The following OTUD7A variants were observed in gnomAD, a reference collection of about 807,000 sequenced individuals.
OTUD7A encodes the protein OTU domain-containing protein 7A.
OTUD7A carries 12 observed loss-of-function variants against 65.7 expected under a neutral mutation model. The ratio of observed to expected loss-of-function variants is 0.18; its 90% CI spans 0.12 to 0.30. OTUD7A has a LOEUF of 0.30. Among genes scored for constraint, OTUD7A ranks in the 10% least tolerant of loss-of-function variants. The pLI, the probability that OTUD7A is intolerant of heterozygous loss-of-function variation, is 1.00. For synonymous variants in OTUD7A, 641 were observed against 586.3 expected (o/e 1.09, Z -1.35); for missense variants, 1,148 against 1,304.8 (o/e 0.88, Z 1.85).
At chr15:31,539,961 ATTTCT>A (rs1427722418) in intron 5 of OTUD7A, among the ~76,000 whole-genome samples, 1 of 152,196 alleles carries the variant, frequency 6.6e-6, no homozygotes, top group Non-Finnish European at 1.5e-5. Flanking sequence ...GCCAAAGACA[ATTTCT>A]ATGTAAATTA....
At chr15:31,870,466 C>A (rs1251797350) in intron 1 of OTUD7A, 41 bp downstream of exon 1, 3 of 147,758 alleles carry the variant, frequency 2.0e-5, no homozygotes, top group East Asian at 2.0e-4. Context: ...CGGGCCCGGC[C>A]CCGCCGCCCG....
rs370228191 is a variant in OTUD7A at position 31,866,082 on chromosome 15, A to G, written c.-100+4425T>C. ...AGACTTATCTACTTAACTAAGAGAG[A>G]TGTATTTAAAACTTGTATTAGCATT... is the stretch of plus-strand genomic sequence containing the variant. On this transcript the variant is annotated intron_variant, in intron 1 of 12. Transcript: ENST00000307050. 1.3e-4 allele frequency among the ~76,000 whole-genome samples: 20 copies of G among 152,372 alleles called. No individual in the cohort carries two copies. In the East Asian group the frequency reaches 3.3e-3, roughly 25 times the overall value.
chr15:31,526,531 C>G, intron 7 of OTUD7A, 70 bp from the exon 8 acceptor site: 1 of 1,279,204 alleles, frequency 7.8e-7, no homozygotes, highest in Non-Finnish European at 1.1e-6. Flanking sequence ...CTCACCCTCC[C>G]AATCTGGACC....
intron 1 of OTUD7A, among the ~76,000 whole-genome samples, chr15:31,676,580 G>A (rs1018750007): frequency 6.6e-6 from 1 of 152,198 alleles, no homozygotes; most frequent in African/African-American, 2.4e-5. Context: ...GTGCTGGCCT[G>A]TGACCATGAG....
intron 1 of OTUD7A, among the ~76,000 whole-genome samples, chr15:31,814,447 C>T (rs1178302443): frequency 1.3e-5 from 2 of 152,182 alleles, no homozygotes; most frequent in Non-Finnish European, 2.9e-5. Context: ...TCATGTGACA[C>T]GTCCTAATTC....
chr15:31,771,458 T>C (rs570065925), intron 1 of OTUD7A, among the ~76,000 whole-genome samples: 46 of 152,328 alleles, frequency 3.0e-4, no homozygotes, highest in African/African-American at 1.1e-3. Context: ...GTCAAACGCT[T>C]GGAATTGTCC....
intron 1 of OTUD7A, among the ~76,000 whole-genome samples, chr15:31,791,589 C>T (rs1286546399): frequency 6.6e-6 from 1 of 152,196 alleles, no homozygotes; most frequent in African/African-American, 2.4e-5. Context: ...TAAGGTACAA[C>T]ACGTCCCGGA....
chr15:31,673,970 G>C (rs996901090), intron 1 of OTUD7A, among the ~76,000 whole-genome samples: 21 of 152,150 alleles, frequency 1.4e-4, no homozygotes, highest in African/African-American at 4.8e-4. Context: ...CTGAATAAAT[G>C]AACAAAAGGA....
At chr15:31,853,197 C>T (rs549620444) in intron 1 of OTUD7A, among the ~76,000 whole-genome samples, 92 of 152,302 alleles carry the variant, frequency 6.0e-4, no homozygotes, top group South Asian at 1.7e-3. Flanking sequence ...GCTCAGCATC[C>T]GTGCAAAACA....
At chr15:31,610,617 A>ATATATTTTTTTTTTTTTTTTT in intron 3 of OTUD7A, among the ~76,000 whole-genome samples, 1 of 30,562 alleles carries the variant, frequency 3.3e-5, no homozygotes, top group African/African-American at 1.7e-4. Flanking sequence ...ATATATATAT[A>ATATATTTTTTTTTTTTTTTTT]TTTTTTTTTT....
At chr15:31,827,012 C>T (rs1182093878) in intron 1 of OTUD7A, among the ~76,000 whole-genome samples, 2 of 152,228 alleles carry the variant, frequency 1.3e-5, no homozygotes, top group Admixed American at 6.5e-5. Flanking sequence ...TTCCAAACTT[C>T]CCCACATTTT....
At chr15:31,711,753 T>C (rs1339056877) in intron 1 of OTUD7A, among the ~76,000 whole-genome samples, 1 of 129,404 alleles carries the variant, frequency 7.7e-6, no homozygotes, top group Non-Finnish European at 1.6e-5. Context: ...TTGAGATTAT[T>C]GGAAATAAAG....
At chr15:31,507,013 AT>A (rs1211539249) in intron 8 of OTUD7A, among the ~76,000 whole-genome samples, 1 of 152,196 alleles carries the variant, frequency 6.6e-6, no homozygotes, top group Non-Finnish European at 1.5e-5. Flanking sequence ...TGAATGGAAT[AT>A]TTTAGCTAGG....
In OTUD7A at chr15:31,541,290, C is replaced by A. The variant is rs1887979987; in HGVS notation, c.551-10482G>T. ...AAAGACCTGGCCTTTAGGTGTTAAG[C>A]CTAATGAACCAAAGAAAGCAACTTT... On this transcript the variant is annotated intron_variant, in intron 5 of 12. Transcript: ENST00000307050. Among the ~76,000 whole-genome samples the A allele has an allele frequency of 1.3e-5, 2 of 152,132 alleles. 1 individual carries two copies. The highest frequency in any genetic ancestry group is 4.8e-5 in the African/African-American group (2 of 41,428).
intron 1 of OTUD7A, among the ~76,000 whole-genome samples, chr15:31,686,075 T>C (rs1892829821): frequency 6.6e-6 from 1 of 152,250 alleles, no homozygotes; most frequent in Admixed American, 6.5e-5. Context: ...AACCAAGTTC[T>C]GGGTGTGAGG....
chr15:31,766,954 C>T (rs962324738), intron 1 of OTUD7A: 9 of 1,611,396 alleles, frequency 5.6e-6, no homozygotes, highest in African/African-American at 4.0e-5. Context: ...GGATAGATCA[C>T]GCATACTACT....
At chr15:31,678,402 G>A (rs1164824881) in intron 1 of OTUD7A, among the ~76,000 whole-genome samples, 1 of 152,198 alleles carries the variant, frequency 6.6e-6, no homozygotes, top group Admixed American at 6.5e-5. Flanking sequence ...AAGATAATGG[G>A]GAAAATGTCT....
chr15:31,660,229 T>C (rs1041041067), intron 1 of OTUD7A, among the ~76,000 whole-genome samples: 1 of 152,232 alleles, frequency 6.6e-6, no homozygotes, highest in African/African-American at 2.4e-5. Flanking sequence ...AAGCCCACCC[T>C]GGTAAGAAGA....
chr15:31,768,263 C>T lies in OTUD7A; in HGVS notation c.-100+102244G>A, dbSNP rs111524923. 1.8e-3 allele frequency: 1,347 copies of T among 768,526 alleles called. 5 individuals are homozygous for T. The African/African-American group carries it at 0.02, about 12-fold the overall frequency. The allele number at this position is 768,526 out of a possible 1,614,324, so 47.6% of individuals were successfully genotyped here. On this transcript the variant is annotated intron_variant, in intron 1 of 12. Coordinates refer to ENST00000307050, the MANE Select transcript of OTUD7A (RefSeq NM_001382637.1). The stretch of plus-strand genomic sequence containing the variant: ...AGGTGACACTCAAGACCCAGCAGCC[C>T]GGGCAGCGGCGAGTCTCGGCACAAC...
Sources: allele counts gnomAD v4.1 joint callset (sites outside exome capture counted in the v4.1 genomes callset), GRCh38; gene constraint gnomAD v4.1.1; transcripts MANE v1.5; gene names NCBI Gene and HGNC (gene_info 2026-07-23, HGNC 2026-07-21).